The following MACROD2 variants were observed in gnomAD, a reference collection of about 807,000 sequenced individuals.
MACROD2 encodes the protein mono-ADP ribosylhydrolase 2.
A neutral mutation model predicts 70.4 loss-of-function variants in MACROD2; 36 were observed. The ratio of observed to expected loss-of-function variants is 0.51; its 90% CI spans 0.39 to 0.68. The LOEUF (loss-of-function observed/expected upper bound fraction) is 0.68. MACROD2 is among the 30% of genes least tolerant of loss of function. MACROD2 has a pLI of 0.00. For synonymous variants in MACROD2, 172 were observed against 178.8 expected, an observed-to-expected ratio of 0.96 and a Z score of 0.30; for missense variants, 496 against 538.4, an observed-to-expected ratio of 0.92 and a Z score of 0.78.
intron 7 of MACROD2, among the ~76,000 whole-genome samples, chr20:15,466,682 A>G (rs1424885621): frequency 6.6e-6 from 1 of 152,210 alleles, no homozygotes; most frequent in African/African-American, 2.4e-5. Context: ...AAGGGCTTGG[A>G]GAGATACTAA....
At chr20:14,293,454 T>C (rs2082402071) in intron 3 of MACROD2, among the ~76,000 whole-genome samples, 1 of 151,830 alleles carries the variant, frequency 6.6e-6, no homozygotes, top group Non-Finnish European at 1.5e-5. Flanking sequence ...GAGATGACAG[T>C]TCAGGTGAGA....
chr20:15,920,512 T>C (rs950043123), intron 10 of MACROD2, among the ~76,000 whole-genome samples: 1 of 152,230 alleles, frequency 6.6e-6, no homozygotes, highest in Admixed American at 6.5e-5. Context: ...TCTACTGGGC[T>C]AATTTTTTTT....
chr20:14,432,149 G>C (rs572636158), intron 3 of MACROD2, among the ~76,000 whole-genome samples: 4 of 152,166 alleles, frequency 2.6e-5, no homozygotes, highest in Non-Finnish European at 5.9e-5. Context: ...CTCGCCTGCT[G>C]TTATCACGGC....
At chr20:14,266,505 T>G (rs2082145030) in intron 3 of MACROD2, among the ~76,000 whole-genome samples, 1 of 152,188 alleles carries the variant, frequency 6.6e-6, no homozygotes, top group Admixed American at 6.5e-5. Flanking sequence ...CAAGCTACTC[T>G]GGCTCAAGGT....
intron 6 of MACROD2, among the ~76,000 whole-genome samples, chr20:15,267,399 T>C (rs539915165): frequency 3.3e-5 from 5 of 152,158 alleles, no homozygotes; most frequent in Admixed American, 6.5e-5. Flanking sequence ...TTCTGGAGGA[T>C]AGGGACAGTG....
At chr20:15,542,773 C>T (rs900259914) in intron 8 of MACROD2, among the ~76,000 whole-genome samples, 14 of 152,088 alleles carry the variant, frequency 9.2e-5, no homozygotes, top group African/African-American at 3.4e-4. Flanking sequence ...GGGTTTTGAC[C>T]TTTGCCTTTC....
At chr20:15,688,541 G>A (rs1034088379) in intron 8 of MACROD2, among the ~76,000 whole-genome samples, 1 of 152,178 alleles carries the variant, frequency 6.6e-6, no homozygotes, top group Non-Finnish European at 1.5e-5. Context: ...TAGATTCCCA[G>A]GGCTGCTTGA....
chr20:15,206,726 T>TTTTTTTGTTTGTTTG (rs1186105059), intron 5 of MACROD2, among the ~76,000 whole-genome samples: 6 of 61,674 alleles, frequency 9.7e-5, no homozygotes, highest in Non-Finnish European at 1.9e-4. Flanking sequence ...TCTATGTTTT[T>TTTTTTTGTTTGTTTG]TTTTTTTTTT....
chr20:14,142,069 G>T (rs80256202), intron 3 of MACROD2, among the ~76,000 whole-genome samples: 2,021 of 152,190 alleles, frequency 0.013, 20 homozygotes, highest in Admixed American at 0.022. Context: ...CTTGCCCAAG[G>T]TCACATTGCT....
At chr20:15,510,153 G>A (rs2047479520) in intron 8 of MACROD2, among the ~76,000 whole-genome samples, 1 of 152,174 alleles carries the variant, frequency 6.6e-6, no homozygotes, top group African/African-American at 2.4e-5. Context: ...AACTTTTAAA[G>A]CTCCTTATGA....
chr20:15,835,260 A>T (rs58296092), intron 8 of MACROD2, among the ~76,000 whole-genome samples: 4 of 151,330 alleles, frequency 2.6e-5, no homozygotes, highest in Non-Finnish European at 4.4e-5. Context: ...ATAATTATTA[A>T]TTCAGTAATT....
At chr20:14,247,199 T>G (rs2081974721) in intron 3 of MACROD2, among the ~76,000 whole-genome samples, 1 of 152,186 alleles carries the variant, frequency 6.6e-6, no homozygotes, top group Non-Finnish European at 1.5e-5. Context: ...TCTACAGGAT[T>G]GAAGTAATAT....
intron 5 of MACROD2, among the ~76,000 whole-genome samples, chr20:15,068,090 CT>C (rs1184619073): frequency 6.6e-6 from 1 of 152,066 alleles, no homozygotes; most frequent in Non-Finnish European, 1.5e-5. Context: ...GGCATCTTCT[CT>C]TTTGAGATAC....
chr20:14,884,509 G>T (rs377290299), intron 5 of MACROD2: 53 of 152,252 alleles, frequency 3.5e-4, no homozygotes, highest in African/African-American at 1.3e-3. Flanking sequence ...CTCTTTTTCA[G>T]TCTGGTACAG....
intron 2 of MACROD2, among the ~76,000 whole-genome samples, chr20:14,038,350 A>T (rs1208333729): frequency 6.6e-6 from 1 of 152,182 alleles, no homozygotes; most frequent in Non-Finnish European, 1.5e-5. Context: ...TGTGCCAGGT[A>T]TAGTTGTGTT....
intron 4 of MACROD2, among the ~76,000 whole-genome samples, chr20:14,541,176 C>G (rs1052762170): frequency 2.6e-5 from 4 of 152,132 alleles, no homozygotes; most frequent in African/African-American, 9.7e-5. Context: ...TGTTCTTTCA[C>G]TATCAATTTG....
chr20:14,701,153 A>G (rs545066143), intron 5 of MACROD2, among the ~76,000 whole-genome samples: 1 of 152,262 alleles, frequency 6.6e-6, no homozygotes, highest in Admixed American at 6.5e-5. Context: ...CAAAACAGAA[A>G]TGACTCAAAA....
At chr20:15,333,418 G>A (rs1483190791) in intron 6 of MACROD2, among the ~76,000 whole-genome samples, 4 of 151,616 alleles carry the variant, frequency 2.6e-5, no homozygotes, top group African/African-American at 9.8e-5. Flanking sequence ...TGACAGGTAG[G>A]TAGTTTAGAT....
intron 5 of MACROD2, among the ~76,000 whole-genome samples, chr20:14,714,884 C>T (rs943515822): frequency 6.6e-6 from 1 of 152,144 alleles, no homozygotes; most frequent in Non-Finnish European, 1.5e-5. Context: ...GTTTCTTTTC[C>T]GCAGTGTCCA....
Sources: allele counts gnomAD v4.1 joint callset (sites outside exome capture counted in the v4.1 genomes callset), GRCh38; gene constraint gnomAD v4.1.1; transcripts MANE v1.5; gene names NCBI Gene and HGNC (gene_info 2026-07-23, HGNC 2026-07-21).